Variants in ABCC3 observed in about 807,000 individuals in gnomAD.
ABCC3 encodes ATP-binding cassette sub-family C member 3.
A neutral mutation model predicts 165.3 loss-of-function variants in ABCC3; 121 were observed. The observed-to-expected ratio is 0.73, with a 90% CI of 0.63 to 0.85. The LOEUF (loss-of-function observed/expected upper bound fraction) is 0.85. Ranked by LOEUF, ABCC3 falls within the 40% of genes least tolerant of loss-of-function variation. ABCC3 has a pLI of 0.00. For synonymous variants in ABCC3, 733 were observed against 810.1 expected, an observed-to-expected ratio of 0.90 and a Z score of 1.62; for missense variants, 1,869 against 1,964.1, an observed-to-expected ratio of 0.95 and a Z score of 0.92.
intron 29 of ABCC3, among the ~76,000 whole-genome samples, chr17:50,686,113 G>A (rs555539836): frequency 3.3e-5 from 5 of 152,190 alleles, no homozygotes; most frequent in Admixed American, 2.0e-4. Flanking sequence ...AGAATCGCTT[G>A]AACCCTGGAG....
chr17:50,649,953 G>A (rs376605101), intron 1 of ABCC3, among the ~76,000 whole-genome samples: 16 of 152,292 alleles, frequency 1.1e-4, no homozygotes, highest in African/African-American at 3.9e-4. Context: ...ACAGCATGAA[G>A]CACAGGAAAT....
rs756134988 is a variant in ABCC3, at chr17:50,673,452, T to C, written c.2410-17T>C. The C allele has an allele frequency of 4.3e-6, 7 of 1,611,416 alleles. No individual in the cohort carries two copies. The highest frequency in any genetic ancestry group is 1.7e-5 in the Admixed American group (1 of 59,896). On this transcript the variant is annotated splice_polypyrimidine_tract_variant and intron_variant, in intron 18 of 30. Transcript: ENST00000285238. ...CTGGAGGGTGGTAGGGGTGAGAGCC[T>C]GCTGCCTTCTCCCCAGACGCGAGTG...
chr17:50,669,094 C>A, intron 15 of ABCC3, 46 bp from the exon 16 acceptor site: 1 of 1,587,262 alleles, frequency 6.3e-7, no homozygotes, highest in Non-Finnish European at 8.6e-7. Flanking sequence ...GAGACCAAAA[C>A]CCTGATCCCT....
rs1216516571 is a variant in ABCC3, at chr17:50,667,553, G to A, written c.1432-1G>A. 1 of 1,607,312 alleles carries A rather than the reference G, an allele frequency of 6.2e-7. No individual in the cohort carries two copies. Among genetic ancestry groups the A allele is most frequent in the South Asian group, 1.1e-5 (1 of 90,820 alleles). ...CACTGACACTCTTTCTGCCTGCACA[G>A]GTAAAGCAAATGAAATTGAAGGACT... On this transcript the variant is annotated splice_acceptor_variant, in intron 11 of 30. Transcript: ENST00000285238. LOFTEE classifies it high-confidence loss of function.
In ABCC3 at chr17:50,676,464, CT is replaced by C. The variant is rs1375551054; in HGVS notation, c.3255del (p.Val1086SerfsTer39). 2 of 1,614,210 alleles carry C rather than the reference CT, an allele frequency of 1.2e-6. No individual in the cohort carries two copies. The highest frequency in any genetic ancestry group is 2.2e-5 in the South Asian group (2 of 91,088). ...TATGTCGTTGATGAGGTTCTGGCCCCTGTCATCCTCATGCTGCTCAATTCCT... is the reference window on the plus strand; with the variant it reads ...TATGTCGTTGATGAGGTTCTGGCCCCGTCATCCTCATGCTGCTCAATTCCT... ...DIYVVDEVLA[P>X]VILMLLNSFF... On this transcript the variant is annotated frameshift_variant, in exon 23 of 31. Coordinates refer to ENST00000285238, the MANE Select transcript of ABCC3 (RefSeq NM_003786.4). LOFTEE classifies it high-confidence loss of function.
rs560554383 is a variant in ABCC3 at position 50,668,524 on chromosome 17, A to G, written c.1870+7A>G. The G allele has an allele frequency of 6.2e-6, 10 of 1,610,954 alleles. No homozygotes were observed. In the African/African-American group the frequency reaches 1.2e-4, roughly 19 times the overall value. On this transcript the variant is annotated splice_region_variant and intron_variant, in intron 14 of 30. Transcript: ENST00000285238. Reference sequence around the variant, plus strand: ...AGAAAGACCATCTCCCCAGGTCTAGAGAGCCCCTACCTGGGCTGCCTGCCC... The same window carrying G: ...AGAAAGACCATCTCCCCAGGTCTAGGGAGCCCCTACCTGGGCTGCCTGCCC...
intron 19 of ABCC3, 91 bp from the exon 20 acceptor site, chr17:50,675,271 A>T: frequency 1.2e-6 from 1 of 804,690 alleles, no homozygotes; most frequent in South Asian, 2.1e-5. Context: ...TGTCCATTGA[A>T]CCCCTTTCAT....
In ABCC3 at chr17:50,683,617, G is replaced by A; in HGVS notation, c.3815G>A (p.Trp1272Ter). The change falls in exon 27 of 31, where the codon TGG becomes TAG. Residue 1272 changes from tryptophan to a stop codon, truncating the protein, a stop_gained. Coordinates refer to ENST00000285238, the MANE Select transcript of ABCC3 (RefSeq NM_003786.4). LOFTEE classifies it high-confidence loss of function. ...EYSKTETEAP[W>*]VVEGSRPPEG... ...ATCTGCCCCTCCTGCCAGGCGCCCTGGGTGGTGGAAGGCAGCCGCCCTCCC... is the reference window on the plus strand; with the variant it reads ...ATCTGCCCCTCCTGCCAGGCGCCCTAGGTGGTGGAAGGCAGCCGCCCTCCC... 5.1e-6 allele frequency: 8 copies of A among 1,575,070 alleles called. No homozygotes were observed. The highest frequency in any genetic ancestry group is 6.9e-6 in the Non-Finnish European group (8 of 1,161,316).
At chr17:50,669,082 T>TG in intron 15 of ABCC3, 58 bp from the exon 16 acceptor site, 1 of 1,590,040 alleles carries the variant, frequency 6.3e-7, no homozygotes, top group Non-Finnish European at 8.6e-7. Flanking sequence ...GGTGGAGGGT[T>TG]GGAGACCAAA....
intron 30 of ABCC3, 143 bp from the exon 31 acceptor site, chr17:50,690,949 G>A (rs1284455884): frequency 1.6e-6 from 1 of 612,106 alleles, no homozygotes; most frequent in Non-Finnish European, 2.9e-6. Flanking sequence ...AGCCTTGCAA[G>A]TGTGCACATG....
chr17:50,679,914 G>C lies in ABCC3; in HGVS notation c.3807+15G>C, dbSNP rs1435810957. On this transcript the variant is annotated intron_variant, in intron 26 of 30. Coordinates refer to ENST00000285238, the MANE Select transcript of ABCC3 (RefSeq NM_003786.4). ...CAGAGACAGAGGTGGGTACTGGCAT[G>C]AGCCCGGGACAGGGGGAATCTGAAG... is the stretch of plus-strand genomic sequence containing the variant. 2 of 1,605,340 alleles carry C rather than the reference G, an allele frequency of 1.2e-6. No individual in the cohort carries two copies. The highest frequency in any genetic ancestry group is 1.7e-6 in the Non-Finnish European group (2 of 1,172,326).
At chr17:50,656,917 C>G in intron 3 of ABCC3, 90 bp downstream of exon 3, 2 of 1,550,492 alleles carry the variant, frequency 1.3e-6, no homozygotes, top group Non-Finnish European at 1.7e-6. Context: ...GAGGAGAGGG[C>G]TGGACATATT....
rs775998495 is a variant in ABCC3 at position 50,677,965 on chromosome 17, T to G, written c.3578+22T>G. On this transcript the variant is annotated intron_variant, in intron 24 of 30. Transcript: ENST00000285238. ...ACCGGTCAGAAGCCGCCTCCCTCGC[T>G]CCCTGCTCCTCCAGGAATTCCCAGC... is the stretch of plus-strand genomic sequence containing the variant. The G allele has an allele frequency of 1.9e-6, 3 of 1,614,076 alleles. No homozygotes were observed. The East Asian group carries it at 6.7e-5, about 36-fold the overall frequency.
In ABCC3 at chr17:50,672,990, G is replaced by A; in HGVS notation, c.2261G>A (p.Gly754Asp). The stretch of plus-strand genomic sequence containing the variant: ...CTCCAGGGCATTAACCTGTCTGGGG[G>A]CCAGCGGCAGCGGGTCAGTCTGGCT... ...IGEKGINLSGGQRQRVSLARA... is the reference protein window; with the variant it reads ...IGEKGINLSGDQRQRVSLARA... Residue 754 changes from glycine (G) to aspartate (D), a missense_variant, in exon 18 of 31, where the codon GGC becomes GAC. Coordinates refer to ENST00000285238, the MANE Select transcript of ABCC3 (RefSeq NM_003786.4). 6.2e-7 allele frequency: 1 copy of A among 1,613,892 alleles called. No homozygotes were observed. The highest frequency in any genetic ancestry group is 1.1e-5 in the South Asian group (1 of 91,062).
rs945285555 is a variant in ABCC3 at position 50,658,516 on chromosome 17, A to C, written c.674+20A>C. Reference sequence around the variant, plus strand: ...CACAAAGTGAGTTGGCTCTTCCACCAGCCAGGCCAGAGGGAGGGGAGGGAT... The same window carrying C: ...CACAAAGTGAGTTGGCTCTTCCACCCGCCAGGCCAGAGGGAGGGGAGGGAT... On this transcript the variant is annotated intron_variant, in intron 6 of 30. Coordinates refer to ENST00000285238, the MANE Select transcript of ABCC3 (RefSeq NM_003786.4). 5.6e-6 allele frequency: 9 copies of C among 1,609,032 alleles called. No homozygotes were observed. The Admixed American group carries it at 6.7e-5, about 12-fold the overall frequency.
intron 10 of ABCC3, chr17:50,664,399 G>A (rs1285697252): frequency 2.4e-6 from 1 of 422,358 alleles, no homozygotes; most frequent in Non-Finnish European, 4.3e-6. Flanking sequence ...TTAGCAGAGG[G>A]GATATAGAAT....
At chr17:50,676,240 A>T in intron 22 of ABCC3, 38 bp from the exon 23 acceptor site, 1 of 1,594,230 alleles carries the variant, frequency 6.3e-7, no homozygotes, top group Non-Finnish European at 8.6e-7. Flanking sequence ...CCCGCTCACT[A>T]GTCCAGGTGA....
At position 50,673,300 on chromosome 17, in the gene ABCC3, C is replaced by A. The variant is rs1967688153; in HGVS notation, c.2409+162C>A. The A allele has an allele frequency of 4.1e-6, 5 of 1,221,868 alleles. No homozygotes were observed. In the South Asian group the frequency reaches 5.9e-5, roughly 14 times the overall value. The allele number at this position is 1,221,868 out of a possible 1,614,324, so 75.7% of individuals were successfully genotyped here. ...GAGAAACCTGTGGGGACAACTCCCC[C>A]ACCTGCGAGGTTCTGAGCAGGCTGT... On this transcript the variant is annotated intron_variant, in intron 18 of 30. Transcript: ENST00000285238.
intron 30 of ABCC3, chr17:50,688,443 G>C (rs1016565084): frequency 3.9e-5 from 6 of 152,344 alleles, no homozygotes; most frequent in African/African-American, 1.4e-4. Context: ...AGCAACTCAA[G>C]TGGCAGCTGG....
Sources: allele counts gnomAD v4.1 joint callset (sites outside exome capture counted in the v4.1 genomes callset), GRCh38; gene constraint gnomAD v4.1.1; transcripts MANE v1.5; gene names NCBI Gene and HGNC (gene_info 2026-07-23, HGNC 2026-07-21).